The following NTM variants were observed in gnomAD, a reference collection of about 807,000 sequenced individuals.
NTM encodes the protein IgLON family member 2.
A neutral mutation model predicts 42.1 loss-of-function variants in NTM; 13 were observed. The observed-to-expected ratio is 0.31, with a 90% confidence interval of 0.20 to 0.49. The LOEUF is 0.49. Ranked by LOEUF, NTM falls within the 20% of genes least tolerant of loss-of-function variation. The pLI, the probability that NTM is intolerant of heterozygous loss-of-function variation, is 0.99. For synonymous variants in NTM, 187 were observed against 179.2 expected (o/e 1.04, Z -0.35); for missense variants, 373 against 452.8 (o/e 0.82, Z 1.60).
chr11:131,858,908 T>C (rs1480910500), intron 1 of NTM, among the ~76,000 whole-genome samples: 1 of 152,222 alleles, frequency 6.6e-6, no homozygotes, highest in Non-Finnish European at 1.5e-5. Context: ...CTCAGGTGTT[T>C]TAAATGCGGA....
chr11:131,456,652 A>G (rs1193997437), intron 1 of NTM, among the ~76,000 whole-genome samples: 1 of 152,156 alleles, frequency 6.6e-6, no homozygotes, highest in Non-Finnish European at 1.5e-5. Context: ...AAACCTTGAT[A>G]TCATGAATAA....
intron 1 of NTM, among the ~76,000 whole-genome samples, chr11:131,698,931 G>A (rs2075777253): frequency 6.6e-6 from 1 of 152,196 alleles, no homozygotes; most frequent in African/African-American, 2.4e-5. Context: ...TTGATATTGG[G>A]AAGTGTGGTC....
chr11:131,958,796 T>G (rs530128122), intron 2 of NTM, among the ~76,000 whole-genome samples: 1 of 152,320 alleles, frequency 6.6e-6, no homozygotes, highest in South Asian at 2.1e-4. Flanking sequence ...TCGCGAGTTC[T>G]TGCCCTGTAA....
At chr11:132,273,193 G>A (rs536328339) in intron 4 of NTM, among the ~76,000 whole-genome samples, 13 of 151,234 alleles carry the variant, frequency 8.6e-5, no homozygotes, top group Non-Finnish European at 1.5e-5. Flanking sequence ...CTGTTGAAAT[G>A]GTATATTATA....
chr11:132,205,120 G>A (rs535833690), intron 3 of NTM, among the ~76,000 whole-genome samples: 5 of 152,276 alleles, frequency 3.3e-5, no homozygotes, highest in African/African-American at 7.2e-5. Flanking sequence ...AGAACTGCCC[G>A]GAGGAGATGC....
intron 2 of NTM, among the ~76,000 whole-genome samples, chr11:132,047,830 C>A (rs913126093): frequency 1.3e-5 from 2 of 152,138 alleles, no homozygotes; most frequent in African/African-American, 2.4e-5. Context: ...CCAGAATTTT[C>A]TGTCTTACGT....
intron 2 of NTM, among the ~76,000 whole-genome samples, chr11:131,990,913 C>T (rs993211576): frequency 5.3e-5 from 8 of 151,996 alleles, no homozygotes; most frequent in Admixed American, 1.3e-4. Flanking sequence ...TTATAGTGAG[C>T]GGGCTCTGAA....
intron 1 of NTM, among the ~76,000 whole-genome samples, chr11:131,530,443 AGACT>A (rs61148749): frequency 0.021 from 3,045 of 147,422 alleles, 115 homozygotes; most frequent in African/African-American, 0.075. Flanking sequence ...AAAAAAAAAA[AGACT>A]GACCAGTTCT....
chr11:132,039,462 G>A lies in NTM; in HGVS notation c.168-106820G>A, dbSNP rs138820237. On this transcript the variant is annotated intron_variant, in intron 2 of 8. Coordinates refer to ENST00000683400, the MANE Select transcript of NTM (RefSeq NM_001352005.2). ...TAGAAAGACAGGGTCTTACAATGAT[G>A]CTCAGGCTGGCCTTAAACTCTTAGG... is the stretch of plus-strand genomic sequence containing the variant. Among the ~76,000 whole-genome samples, 12 of 144,606 alleles carry A rather than the reference G, an allele frequency of 8.3e-5. No individual in the cohort carries two copies. The East Asian group carries it at 2.4e-3, about 29-fold the overall frequency. The allele number at this position is 144,606 out of a possible 152,430, so 94.9% of individuals were successfully genotyped here.
intron 2 of NTM, among the ~76,000 whole-genome samples, chr11:131,966,118 G>T (rs779062835): frequency 6.6e-6 from 1 of 152,180 alleles, no homozygotes; most frequent in Non-Finnish European, 1.5e-5. Context: ...GTTTGCATTT[G>T]TGTGATAAAA....
At chr11:132,273,309 G>GTTTTTTTTTTTTTTTTTTTTTTTTTT in intron 4 of NTM, among the ~76,000 whole-genome samples, 1 of 55,656 alleles carries the variant, frequency 1.8e-5, no homozygotes, top group Non-Finnish European at 2.9e-5. Flanking sequence ...GTTGACTAGT[G>GTTTTTTTTTTTTTTTTTTTTTTTTTT]TTTTTTTTTT....
intron 2 of NTM, among the ~76,000 whole-genome samples, chr11:131,999,443 A>G (rs1460473421): frequency 6.6e-6 from 1 of 152,222 alleles, no homozygotes; most frequent in East Asian, 1.9e-4. Flanking sequence ...GTAAGAAAGG[A>G]AGAAAAGAAG....
chr11:131,434,627 G>A (rs537904946), intron 1 of NTM, among the ~76,000 whole-genome samples: 5 of 152,060 alleles, frequency 3.3e-5, no homozygotes, highest in Non-Finnish European at 7.4e-5. Context: ...CGCACTTTTC[G>A]ATGAGGTTGT....
chr11:131,789,468 AGAAGAAGAAGAAGAAGAAGAAGAG>A lies in NTM; in HGVS notation c.83-122092_83-122069del, dbSNP rs1565550104. Reference sequence around the variant, plus strand: ...AAGAAGAAGAAGAAGAAGAAGAAGAAGAAGAAGAAGAAGAAGAAGAAGAGGAAAGAAGAAGAAGAAGAAGAAGAA... The same window carrying A: ...AAGAAGAAGAAGAAGAAGAAGAAGAAGAAAGAAGAAGAAGAAGAAGAAGAA... On this transcript the variant is annotated intron_variant, in intron 1 of 8. Transcript: ENST00000683400. Among the ~76,000 whole-genome samples, 85 of 14,226 alleles carry A rather than the reference AGAAGAAGAAGAAGAAGAAGAAGAG, an allele frequency of 6.0e-3. 23 individuals carry two copies. The highest frequency in any genetic ancestry group is 0.039 in the South Asian group (13 of 332). The allele number at this position is 14,226 out of a possible 152,430, so 9.3% of individuals were successfully genotyped here. A position where few individuals can be genotyped will look rare whatever the true frequency, so the allele number is the denominator to read the frequency against.
intron 1 of NTM, among the ~76,000 whole-genome samples, chr11:131,890,276 A>G (rs546072966): frequency 6.6e-6 from 1 of 152,256 alleles, no homozygotes; most frequent in East Asian, 1.9e-4. Flanking sequence ...TACCCCCTGG[A>G]AACAGAGCTT....
chr11:131,393,855 T>A (rs1356939410), intron 1 of NTM, among the ~76,000 whole-genome samples: 1 of 152,198 alleles, frequency 6.6e-6, no homozygotes, highest in Non-Finnish European at 1.5e-5. Context: ...GGGAGAGGCT[T>A]TTGTTGTGTC....
chr11:131,649,694 A>G (rs1256939375), intron 1 of NTM, among the ~76,000 whole-genome samples: 1 of 152,196 alleles, frequency 6.6e-6, no homozygotes, highest in Non-Finnish European at 1.5e-5. Flanking sequence ...CATGTAGTTT[A>G]AGCCTTTCTA....
intron 2 of NTM, among the ~76,000 whole-genome samples, chr11:132,145,539 T>C (rs1195574965): frequency 6.6e-6 from 1 of 152,118 alleles, no homozygotes; most frequent in African/African-American, 2.4e-5. Flanking sequence ...GAAGGGAGAT[T>C]CCACAATTCA....
chr11:131,868,227 C>T (rs759298993), intron 1 of NTM, among the ~76,000 whole-genome samples: 13 of 152,188 alleles, frequency 8.5e-5, no homozygotes, highest in Non-Finnish European at 1.3e-4. Flanking sequence ...AATTCTCTGG[C>T]GTTTTTGTTT....
Sources: gnomAD v4.1 joint callset for allele counts (sites outside exome capture counted in the v4.1 genomes callset) on GRCh38, gnomAD v4.1.1 for gene constraint, MANE v1.5 for transcripts, NCBI Gene and HGNC (gene_info 2026-07-23, HGNC 2026-07-21) for gene names.